The following PSMD12 variants were observed in gnomAD, a reference collection of about 807,000 sequenced individuals.
The protein encoded by PSMD12 is 26S proteasome non-ATPase regulatory subunit 12.
Under a neutral mutation model 62.9 loss-of-function variants are expected in PSMD12, and 8 were observed. That is an observed-to-expected ratio of 0.13 (90% CI 0.07 to 0.23). The LOEUF (loss-of-function observed/expected upper bound fraction) is 0.23, where lower values mean the gene tolerates loss of function less well. Among genes scored for constraint, PSMD12 ranks in the 10% least tolerant of loss-of-function variants. The pLI is 1.00. For missense variants in PSMD12, 424 were observed against 550.2 expected (o/e 0.77, Z 2.29); for synonymous variants, 173 against 187.4 (o/e 0.92, Z 0.63).
chr17:67,343,652 A>G (rs952988206), intron 9 of PSMD12, among the ~76,000 whole-genome samples: 9 of 152,138 alleles, frequency 5.9e-5, no homozygotes, highest in Non-Finnish European at 1.2e-4. Context: ...CTTTTTATTT[A>G]TAAGTACGTC....
rs142927541 is a variant in PSMD12 at position 67,366,466 on chromosome 17, C to T, written c.54G>A (p.Val18=). 10 of 1,612,054 alleles carry T rather than the reference C, an allele frequency of 6.2e-6. No homozygotes were observed. In the African/African-American group the frequency reaches 9.3e-5, roughly 15 times the overall value. Residue 18 remains valine (V), a synonymous_variant, in exon 1 of 11, where the codon GTG becomes GTA. Coordinates refer to ENST00000356126, the MANE Select transcript of PSMD12 (RefSeq NM_002816.5). ...RADGRIVKME[V]DYSATVDQRL... Reference sequence around the variant, plus strand: ...GCTGATCCACCGTGGCGCTGTAGTCCACCTCCATCTTGACGATGCGCCCGT... The same window carrying T: ...GCTGATCCACCGTGGCGCTGTAGTCTACCTCCATCTTGACGATGCGCCCGT...
chr17:67,340,805 A>G lies in PSMD12; in HGVS notation c.*38T>C. On this transcript the variant is annotated 3_prime_UTR_variant, in exon 11 of 11. Transcript: ENST00000356126. ...CCATTATAACAGTCTTTTTTTAATG[A>G]CTTCCAATTTTAACTTTTTTCTAAA... The G allele has an allele frequency of 6.8e-7, 1 of 1,462,822 alleles. No homozygotes were observed. The highest frequency in any genetic ancestry group is 9.2e-7 in the Non-Finnish European group (1 of 1,088,628). 90.6% of individuals were successfully genotyped at this position (1,462,822 alleles called of 1,614,324 possible). A position where few individuals can be genotyped will look rare whatever the true frequency, so the allele number is the denominator to read the frequency against.
chr17:67,346,955 G>A (rs1161486189), intron 7 of PSMD12, among the ~76,000 whole-genome samples, 161 bp downstream of exon 7: 1 of 152,070 alleles, frequency 6.6e-6, no homozygotes, highest in Non-Finnish European at 1.5e-5. Flanking sequence ...CTAAACTATG[G>A]CTGCAATTGG....
At position 67,338,453 on chromosome 17, in the gene PSMD12, C is replaced by T. The variant is rs1358456362; in HGVS notation, c.*2390G>A. On this transcript the variant is annotated 3_prime_UTR_variant, in exon 11 of 11. Coordinates refer to ENST00000356126, the MANE Select transcript of PSMD12 (RefSeq NM_002816.5). ...GATTAATGTTTGACAGGAAAAAACA[C>T]GAAATGGATGAACAGCTGATCGAGT... The T allele has an allele frequency of 2.6e-5, 4 of 152,208 alleles. No individual in the cohort carries two copies. In the South Asian group the frequency reaches 6.2e-4, roughly 24 times the overall value. 9.4% of individuals were successfully genotyped at this position (152,208 alleles called of 1,614,324 possible).
At chr17:67,357,030 G>GA (rs2042081610) in intron 3 of PSMD12, 2 of 246,606 alleles carry the variant, frequency 8.1e-6, no homozygotes, top group South Asian at 1.9e-4. Flanking sequence ...AATAAATAAG[G>GA]AAAAAATAAA....
intron 8 of PSMD12, 102 bp downstream of exon 8, chr17:67,345,642 CA>C (rs1394242865): frequency 5.4e-6 from 5 of 934,426 alleles, no homozygotes; most frequent in South Asian, 1.5e-5. Context: ...AACTCCATCT[CA>C]AAAAAAGAAG....
At chr17:67,347,304 T>C (rs760080980) in intron 6 of PSMD12, 32 bp downstream of exon 6, 67 of 1,611,670 alleles carry the variant, frequency 4.2e-5, no homozygotes, top group Admixed American at 3.3e-5. Context: ...TTCATACTTT[T>C]AAAGTAAACA....
In PSMD12 at chr17:67,347,176, C is replaced by T. The variant is rs2041975286; in HGVS notation, c.735G>A (p.Lys245=). The change falls in exon 7 of 11, where the codon AAG becomes AAA. Residue 245 remains lysine (K), a synonymous_variant. Transcript: ENST00000356126. ...QHEGSYLSIC[K]HYRAIYDTPC... ...GAGTATCATATATTGCTCTGTAGTGCTTACAAATAGACAAATAGGATCCCT... is the reference window on the plus strand; with the variant it reads ...GAGTATCATATATTGCTCTGTAGTGTTTACAAATAGACAAATAGGATCCCT... The T allele has an allele frequency of 6.2e-7, 1 of 1,613,430 alleles. No homozygotes were observed. The highest frequency in any genetic ancestry group is 8.5e-7 in the Non-Finnish European group (1 of 1,179,542).
At chr17:67,347,796 C>T (rs2143697818) in intron 5 of PSMD12, among the ~76,000 whole-genome samples, 1 of 152,254 alleles carries the variant, frequency 6.6e-6, no homozygotes, top group East Asian at 1.9e-4. Flanking sequence ...CACACACTTC[C>T]CCCACTCATA....
rs112151641 is a variant in PSMD12, at chr17:67,338,123, G to C, written c.*2720C>G. 2 of 152,240 alleles carry C rather than the reference G, an allele frequency of 1.3e-5. No individual in the cohort carries two copies. The highest frequency in any genetic ancestry group is 4.1e-4 in the South Asian group (2 of 4,830). The allele number at this position is 152,240 out of a possible 1,614,324, so 9.4% of individuals were successfully genotyped here. ...CATATGGAAATTGAGGATAATCATA[G>C]AAACAGCTATTGAACTCTAAAATAA... On this transcript the variant is annotated 3_prime_UTR_variant, in exon 11 of 11. Coordinates refer to ENST00000356126, the MANE Select transcript of PSMD12 (RefSeq NM_002816.5).
intron 7 of PSMD12, 96 bp downstream of exon 7, chr17:67,347,020 G>C: frequency 7.8e-7 from 1 of 1,274,472 alleles, no homozygotes. Flanking sequence ...CCATACAATT[G>C]CATCTAACTA....
intron 3 of PSMD12, among the ~76,000 whole-genome samples, chr17:67,355,089 GTTTTTTTT>G (rs533603458): frequency 8.2e-6 from 1 of 121,396 alleles, no homozygotes. Context: ...CATATTTTTG[GTTTTTTTT>G]TTTTTTTTTT....
intron 1 of PSMD12, among the ~76,000 whole-genome samples, chr17:67,358,879 C>T (rs1484585152): frequency 6.6e-6 from 1 of 152,164 alleles, no homozygotes; most frequent in Admixed American, 6.5e-5. Context: ...CTTACACTAA[C>T]CTCTCCACAT....
chr17:67,342,213 C>A lies in PSMD12; in HGVS notation c.1134G>T (p.Met378Ile). Residue 378 changes from methionine (M) to isoleucine (I), a missense_variant, in exon 10 of 11, where the codon ATG becomes ATT. Coordinates refer to ENST00000356126, the MANE Select transcript of PSMD12 (RefSeq NM_002816.5). ...KYYTRITMKR[M>I]AQLLDLSVDE... ...CAACAGATAGATCCAGAAGCTGTGC[C>A]ATCCTTTTCATTGTTATCCGAGTAT... The A allele has an allele frequency of 6.3e-7, 1 of 1,588,352 alleles. No homozygotes were observed. Among genetic ancestry groups the A allele is most frequent in the Non-Finnish European group, 8.6e-7 (1 of 1,156,948 alleles).
intron 3 of PSMD12, among the ~76,000 whole-genome samples, chr17:67,354,555 G>C (rs2042049191): frequency 6.6e-6 from 1 of 152,144 alleles, no homozygotes; most frequent in South Asian, 2.1e-4. Flanking sequence ...TTTCAACCTA[G>C]GTTGCCCCAA....
rs1429062154 is a variant in PSMD12 at position 67,341,047 on chromosome 17, G to A, written c.1167C>T (p.Ser389=). The change falls in exon 11 of 11, where the codon TCC becomes TCT. Residue 389 remains serine (S), a synonymous_variant. Coordinates refer to ENST00000356126, the MANE Select transcript of PSMD12 (RefSeq NM_002816.5). The part of the protein sequence containing the change: ...AQLLDLSVDE[S]EAFLSNLVVN... The stretch of plus-strand genomic sequence containing the variant: ...CTACTAGATTTGAGAGAAAGGCTTC[G>A]GACTCCTGCAAGAGAGAAAGATAAA... 35 of 1,543,592 alleles carry A rather than the reference G, an allele frequency of 2.3e-5. No homozygotes were observed. Among genetic ancestry groups the A allele is most frequent in the Non-Finnish European group, 2.8e-5 (32 of 1,151,874 alleles).
intron 3 of PSMD12, among the ~76,000 whole-genome samples, chr17:67,354,448 C>T (rs146888012): frequency 6.6e-6 from 1 of 151,944 alleles, no homozygotes. Flanking sequence ...AAGCAACACC[C>T]CCTACTAGCT....
At position 67,345,833 on chromosome 17, in the gene PSMD12, C is replaced by A; in HGVS notation, c.820G>T (p.Val274Phe). The A allele has an allele frequency of 6.2e-7, 1 of 1,613,440 alleles. No homozygotes were observed. Among genetic ancestry groups the A allele is most frequent in the Non-Finnish European group, 8.5e-7 (1 of 1,179,362 alleles). ...QQALKSVVLY[V>F]ILAPFDNEQS... ...TCATTGTCAAAAGGAGCCAGGATAACATAGAGTACAACACTCTTCAGAGCC... is the reference window on the plus strand; with the variant it reads ...TCATTGTCAAAAGGAGCCAGGATAAAATAGAGTACAACACTCTTCAGAGCC... Residue 274 changes from valine to phenylalanine, a missense_variant, in exon 8 of 11, where the codon GTT becomes TTT. Transcript: ENST00000356126.
chr17:67,357,154 T>A, intron 3 of PSMD12, 149 bp downstream of exon 3: 1 of 798,574 alleles, frequency 1.3e-6, no homozygotes, highest in Non-Finnish European at 1.9e-6. Context: ...AGTCATATCA[T>A]TGTGAGAATG....
Sources: gnomAD v4.1 joint callset for allele counts (sites outside exome capture counted in the v4.1 genomes callset) on GRCh38, gnomAD v4.1.1 for gene constraint, MANE v1.5 for transcripts, NCBI Gene and HGNC (gene_info 2026-07-23, HGNC 2026-07-21) for gene names.